The following NCAM2 variants were observed in gnomAD, a reference collection of about 807,000 sequenced individuals.
The protein encoded by NCAM2 is N-CAM-2.
NCAM2 carries 30 observed loss-of-function variants against 98.1 expected under a neutral mutation model. The ratio of observed to expected loss-of-function variants is 0.31; its 90% CI spans 0.23 to 0.41. NCAM2 has a LOEUF of 0.41. Among genes scored for constraint, NCAM2 ranks in the 10% least tolerant of loss-of-function variants. NCAM2 has a pLI of 1.00. For missense variants in NCAM2, 867 were observed against 1,005.8 expected (o/e 0.86, Z 1.87); for synonymous variants, 368 against 342.4 (o/e 1.07, Z -0.83).
chr21:21,188,882 G>A (rs1378921564), intron 1 of NCAM2, among the ~76,000 whole-genome samples: 2 of 152,108 alleles, frequency 1.3e-5, no homozygotes, highest in Non-Finnish European at 2.9e-5. Flanking sequence ...AAACCCTTCA[G>A]AGCACAGAAC....
chr21:21,500,166 T>C (rs1987534722), intron 15 of NCAM2, among the ~76,000 whole-genome samples: 1 of 152,250 alleles, frequency 6.6e-6, no homozygotes. Context: ...GTGCTGTTTA[T>C]TTTTTTAAAT....
chr21:21,372,356 C>T (rs750361085), intron 8 of NCAM2, among the ~76,000 whole-genome samples: 6 of 151,444 alleles, frequency 4.0e-5, no homozygotes, highest in Non-Finnish European at 8.9e-5. Context: ...TCAGAGAGTG[C>T]GTTTTTGTAA....
intron 1 of NCAM2, among the ~76,000 whole-genome samples, chr21:21,022,079 A>G (rs1001196371): frequency 6.6e-6 from 1 of 152,132 alleles, no homozygotes; most frequent in African/African-American, 2.4e-5. Context: ...GCTTTTATAA[A>G]TGAACATATT....
intron 5 of NCAM2, among the ~76,000 whole-genome samples, chr21:21,309,373 G>A (rs1490372284): frequency 6.6e-6 from 1 of 152,004 alleles, no homozygotes; most frequent in East Asian, 1.9e-4. Context: ...GTGCCTTTAA[G>A]CTTTGTTAAG....
At chr21:21,390,931 G>T (rs903042633) in intron 9 of NCAM2, among the ~76,000 whole-genome samples, 2 of 152,118 alleles carry the variant, frequency 1.3e-5, no homozygotes, top group African/African-American at 4.8e-5. Context: ...TTTCCAACTT[G>T]CTTGGATAAT....
At chr21:21,161,559 A>G (rs1367036285) in intron 1 of NCAM2, among the ~76,000 whole-genome samples, 1 of 105,356 alleles carries the variant, frequency 9.5e-6, no homozygotes, top group Non-Finnish European at 2.0e-5. Flanking sequence ...CAGTGCTCTC[A>G]TTTGTGTGTG....
intron 8 of NCAM2, among the ~76,000 whole-genome samples, chr21:21,354,862 A>T (rs1472506785): frequency 6.6e-6 from 1 of 152,176 alleles, no homozygotes; most frequent in Non-Finnish European, 1.5e-5. Flanking sequence ...TGAGACCAAT[A>T]AACTGAATAA....
chr21:21,099,250 G>A (rs2066188417), intron 1 of NCAM2, among the ~76,000 whole-genome samples: 1 of 151,860 alleles, frequency 6.6e-6, no homozygotes. Flanking sequence ...TATACATTTT[G>A]CCTTTACTGA....
At chr21:21,487,266 A>T (rs1406286419) in intron 15 of NCAM2, among the ~76,000 whole-genome samples, 1 of 152,098 alleles carries the variant, frequency 6.6e-6, no homozygotes, top group African/African-American at 2.4e-5. Flanking sequence ...TTTAAAAATG[A>T]GTTTGTTACT....
chr21:21,089,095 TG>T (rs2065962569), intron 1 of NCAM2, among the ~76,000 whole-genome samples: 1 of 152,174 alleles, frequency 6.6e-6, no homozygotes, highest in Non-Finnish European at 1.5e-5. Context: ...GTTTTTTGTT[TG>T]TTCTGTTTTT....
intron 1 of NCAM2, among the ~76,000 whole-genome samples, chr21:21,243,559 T>A (rs904575305): frequency 6.6e-6 from 1 of 152,206 alleles, no homozygotes; most frequent in South Asian, 2.1e-4. Context: ...CATATTGCAG[T>A]TGGCTGACTT....
At chr21:21,001,900 A>T (rs2064024947) in intron 1 of NCAM2, among the ~76,000 whole-genome samples, 1 of 152,150 alleles carries the variant, frequency 6.6e-6, no homozygotes, top group Non-Finnish European at 1.5e-5. Flanking sequence ...CATTACAGCA[A>T]TGTACCTTCT....
rs777396455 is a variant in NCAM2, at chr21:21,114,497, G to C, written c.55+115879G>C. Among the ~76,000 whole-genome samples the C allele has an allele frequency of 2.0e-5, 3 of 152,134 alleles. No homozygotes were observed. The East Asian group carries it at 5.8e-4, about 29-fold the overall frequency. On this transcript the variant is annotated intron_variant, in intron 1 of 17. Transcript: ENST00000400546. ...ATATACTCCTTAGTTTACAAGGGTC[G>C]GTGTTAATGTTCTGCCATAGGAAAA...
intron 5 of NCAM2, among the ~76,000 whole-genome samples, chr21:21,312,995 A>G (rs551222617): frequency 1.3e-5 from 2 of 151,924 alleles, no homozygotes; most frequent in South Asian, 2.1e-4. Flanking sequence ...TATTTTCAAC[A>G]TTGATAAGTT....
At chr21:21,210,758 A>G (rs990488944) in intron 1 of NCAM2, 1 of 740,538 alleles carries the variant, frequency 1.4e-6, no homozygotes. Flanking sequence ...AAAGGCAATG[A>G]GGTGGAGAAC....
intron 1 of NCAM2, among the ~76,000 whole-genome samples, chr21:21,206,479 A>C (rs1327498668): frequency 2.0e-5 from 3 of 152,170 alleles, no homozygotes; most frequent in Non-Finnish European, 4.4e-5. Flanking sequence ...ACCTTGCAGA[A>C]AGACTCCTTA....
chr21:21,205,933 T>G (rs112338418), intron 1 of NCAM2, among the ~76,000 whole-genome samples: 1 of 152,134 alleles, frequency 6.6e-6, no homozygotes, highest in African/African-American at 2.4e-5. Flanking sequence ...TCATGAAAGC[T>G]TTGCCCTCAT....
chr21:21,467,294 A>G (rs960152269), intron 13 of NCAM2, among the ~76,000 whole-genome samples: 1 of 150,820 alleles, frequency 6.6e-6, no homozygotes, highest in Non-Finnish European at 1.5e-5. Flanking sequence ...ATGTTAAATA[A>G]ATTACTTTAA....
intron 1 of NCAM2, among the ~76,000 whole-genome samples, chr21:21,139,809 ATACT>A (rs1267577565): frequency 1.3e-5 from 2 of 152,178 alleles, no homozygotes; most frequent in Non-Finnish European, 2.9e-5. Context: ...TGTGTGAAAA[ATACT>A]TAATACCATT....
Sources: allele counts gnomAD v4.1 joint callset (sites outside exome capture counted in the v4.1 genomes callset), GRCh38; gene constraint gnomAD v4.1.1; transcripts MANE v1.5; gene names NCBI Gene and HGNC (gene_info 2026-07-23, HGNC 2026-07-21).